The following USP31 variants were observed in gnomAD, a reference collection of about 807,000 sequenced individuals.
USP31 encodes ubiquitin carboxyl-terminal hydrolase 31.
A neutral mutation model predicts 119.4 loss-of-function variants in USP31; 44 were observed. The observed-to-expected ratio is 0.37, with a 90% CI of 0.29 to 0.47. USP31 has a LOEUF of 0.47. Ranked by LOEUF, USP31 falls within the 20% of genes least tolerant of loss-of-function variation. USP31 has a pLI of 0.99. For missense variants in USP31, 1,643 were observed against 1,730.2 expected (o/e 0.95, Z 0.89); for synonymous variants, 749 against 705.6 (o/e 1.06, Z -0.97).
At position 23,082,443 on chromosome 16, in the gene USP31, G is replaced by A. The variant is rs773296851; in HGVS notation, c.1945C>T (p.Arg649Trp). Residue 649 changes from arginine to tryptophan, a missense_variant, in exon 12 of 16, where the codon CGG becomes TGG. Arg to Trp is a moderately radical substitution (Grantham distance 101, BLOSUM62 -3). Around this residue, in one of 5 missense-constraint regions of USP31, gnomAD observed 279 missense variants for 372.2 expected, o/e 0.75. Transcript: ENST00000219689. ...DVLIIHLKRF[R>W]QEGDRRMKLQ... ...AGGATAAAGGATTTCCATACCTGCC[G>A]AAATCTCTTTAGATGTATAATAAGC... is the stretch of plus-strand genomic sequence containing the variant. 42 of 1,613,828 alleles carry A rather than the reference G, an allele frequency of 2.6e-5. No individual in the cohort carries two copies. The African/African-American group carries it at 2.9e-4, about 11-fold the overall frequency.
At chr16:23,076,142 A>C (rs1900560684) in intron 13 of USP31, among the ~76,000 whole-genome samples, 1 of 152,108 alleles carries the variant, frequency 6.6e-6, no homozygotes, top group Non-Finnish European at 1.5e-5. Flanking sequence ...GGGGTGAGAG[A>C]GCATCAGGAA....
At position 23,132,554 on chromosome 16, in the gene USP31, C is replaced by T. The variant is rs542035648; in HGVS notation, c.633+16084G>A. Among the ~76,000 whole-genome samples the T allele has an allele frequency of 8.5e-5, 13 of 152,172 alleles. No homozygotes were observed. In the South Asian group the frequency reaches 2.5e-3, roughly 29 times the overall value. On this transcript the variant is annotated intron_variant, in intron 1 of 15. Coordinates refer to ENST00000219689, the MANE Select transcript of USP31 (RefSeq NM_020718.4). The stretch of plus-strand genomic sequence containing the variant: ...AAACTTTAAGTCACACAAAGGAAGA[C>T]ATAAAACAACTAACTCAGGAAAAGC...
intron 1 of USP31, among the ~76,000 whole-genome samples, chr16:23,137,114 G>A (rs1428656774): frequency 1.3e-5 from 2 of 152,126 alleles, no homozygotes; most frequent in Non-Finnish European, 2.9e-5. Flanking sequence ...CAGGGGAACT[G>A]AAGCAAGAGG....
In USP31 at chr16:23,087,173, C is replaced by G; in HGVS notation, c.1541G>C (p.Ser514Thr). 1 of 1,613,470 alleles carries G rather than the reference C, an allele frequency of 6.2e-7. No homozygotes were observed. Among genetic ancestry groups the G allele is most frequent in the Non-Finnish European group, 8.5e-7 (1 of 1,179,742 alleles). The stretch of plus-strand genomic sequence containing the variant: ...TCCAACAACACTGACCACACGCAAG[C>G]TGAATGGACACACCTGCATCAGATG... ...PTVCIQVCPF[S>T]LRVVSVVGIT... is the part of the protein sequence containing the mutation. The change falls in exon 9 of 16, where the codon AGC (serine) becomes ACC (threonine). Residue 514 changes from serine (S) to threonine (T), a missense_variant. Physicochemically the swap from Ser to Thr is moderately conservative, Grantham distance 58. Transcript: ENST00000219689.
chr16:23,082,307 T>C (rs1900865384), intron 12 of USP31, 131 bp downstream of exon 12: 1 of 1,255,338 alleles, frequency 8.0e-7, no homozygotes, highest in East Asian at 2.4e-5. Flanking sequence ...CAAAAGTGTG[T>C]CTATAACATA....
At chr16:23,146,143 G>A (rs2035388238) in intron 1 of USP31, among the ~76,000 whole-genome samples, 1 of 149,494 alleles carries the variant, frequency 6.7e-6, no homozygotes, top group Non-Finnish European at 1.5e-5. Context: ...GAAAAGAGGA[G>A]AAAACCAAAC....
chr16:23,067,816 G>A lies in USP31; in HGVS notation c.*230C>T, dbSNP rs114768889. On this transcript the variant is annotated 3_prime_UTR_variant, in exon 16 of 16. Transcript: ENST00000219689. ...CTACAATTATTCCAGTTAGCTTGGT[G>A]TCAATGTTTTGCCTATGGCTGTTAT... 1,699 of 477,010 alleles carry A rather than the reference G, an allele frequency of 3.6e-3. 24 individuals carry two copies. Among genetic ancestry groups the A allele is most frequent in the African/African-American group, 0.031 (1,548 of 50,356 alleles). The allele number at this position is 477,010 out of a possible 1,614,324, so 29.5% of individuals were successfully genotyped here.
chr16:23,141,925 C>T (rs1903364150), intron 1 of USP31, among the ~76,000 whole-genome samples: 1 of 152,208 alleles, frequency 6.6e-6, no homozygotes, highest in Admixed American at 6.5e-5. Flanking sequence ...AATCTTTCTA[C>T]TTACACTTTC....
At chr16:23,084,693 A>C (rs1351849056) in intron 11 of USP31, among the ~76,000 whole-genome samples, 167 bp downstream of exon 11, 3 of 152,210 alleles carry the variant, frequency 2.0e-5, no homozygotes, top group African/African-American at 7.2e-5. Context: ...ACTTCTTGTT[A>C]AAGTCCTAAA....
At chr16:23,081,052 A>G (rs1289529098) in intron 12 of USP31, among the ~76,000 whole-genome samples, 4 of 152,218 alleles carry the variant, frequency 2.6e-5, no homozygotes, top group Non-Finnish European at 5.9e-5. Flanking sequence ...GACCAGCTGA[A>G]AAGCAACAAA....
chr16:23,083,749 T>TG lies in USP31; in HGVS notation c.1830+1110_1830+1111insC, dbSNP rs564313022. On this transcript the variant is annotated intron_variant, in intron 11 of 15. Coordinates refer to ENST00000219689, the MANE Select transcript of USP31 (RefSeq NM_020718.4). The stretch of plus-strand genomic sequence containing the variant: ...AAAAAACCCATGTCTTATGAAAAAC[T>TG]ATTATTAAAGAAACTAGCTAAAAAC... Among the ~76,000 whole-genome samples, 670 of 124,496 alleles carry TG rather than the reference T, an allele frequency of 5.4e-3. 3 individuals carry two copies. Among genetic ancestry groups the TG allele is most frequent in the Middle Eastern group, 0.025 (5 of 204 alleles). The allele number at this position is 124,496 out of a possible 152,430, so 81.7% of individuals were successfully genotyped here.
chr16:23,102,106 T>C (rs1901900683), intron 6 of USP31, among the ~76,000 whole-genome samples: 1 of 151,858 alleles, frequency 6.6e-6, no homozygotes, highest in Non-Finnish European at 1.5e-5. Context: ...AACTAAACTA[T>C]GGATATATCT....
At chr16:23,117,414 G>A (rs1458227265) in intron 1 of USP31, among the ~76,000 whole-genome samples, 3 of 152,184 alleles carry the variant, frequency 2.0e-5, no homozygotes, top group African/African-American at 7.2e-5. Flanking sequence ...TCACCCAAAA[G>A]AAAAGGCTGT....
At chr16:23,094,668 A>G (rs1901523492) in intron 6 of USP31, among the ~76,000 whole-genome samples, 5 of 152,156 alleles carry the variant, frequency 3.3e-5, no homozygotes, top group Admixed American at 3.3e-4. Context: ...TCAGGCAGCA[A>G]TATTTGCTGT....
chr16:23,082,597 T>C (rs1567229035), intron 11 of USP31, 40 bp from the exon 12 acceptor site: 3 of 1,612,544 alleles, frequency 1.9e-6, no homozygotes, highest in Non-Finnish European at 2.5e-6. Context: ...TGCCACTTAA[T>C]GCAAGACTGT....
At chr16:23,118,223 A>G (rs1381451408) in intron 1 of USP31, among the ~76,000 whole-genome samples, 1 of 152,208 alleles carries the variant, frequency 6.6e-6, no homozygotes, top group Admixed American at 6.5e-5. Context: ...GCATTTTGTA[A>G]AGTCTAAAAC....
intron 1 of USP31, among the ~76,000 whole-genome samples, chr16:23,141,870 G>C (rs1903362746): frequency 6.6e-6 from 1 of 152,144 alleles, no homozygotes; most frequent in South Asian, 2.1e-4. Flanking sequence ...AATCAAATTT[G>C]TAGATGCTTA....
chr16:23,143,338 C>T (rs571853265), intron 1 of USP31, among the ~76,000 whole-genome samples: 59 of 152,280 alleles, frequency 3.9e-4, no homozygotes, highest in Middle Eastern at 3.4e-3. Flanking sequence ...TGCTGCAAAA[C>T]GGCTCTGAGC....
At chr16:23,071,875 CAAAATGCTTTTT>C (rs1231459432) in intron 15 of USP31, among the ~76,000 whole-genome samples, 158 bp downstream of exon 15, 1 of 152,146 alleles carries the variant, frequency 6.6e-6, no homozygotes, top group South Asian at 2.1e-4. Flanking sequence ...TCTGTTAATA[CAAAATGCTTTTT>C]AGGATCATAA....
Sources: allele counts gnomAD v4.1 joint callset (sites outside exome capture counted in the v4.1 genomes callset), GRCh38; gene constraint gnomAD v4.1.1; regional missense constraint gnomAD v4.1.1; transcripts MANE v1.5; gene names NCBI Gene and HGNC (gene_info 2026-07-23, HGNC 2026-07-21).